Variants in SMYD3 observed in about 807,000 individuals in gnomAD.
SMYD3 encodes the protein SET and MYND domain containing 3, also known as histone-lysine N-methyltransferase SMYD3.
SMYD3 carries 36 observed loss-of-function variants against 57.7 expected under a neutral mutation model. The ratio of observed to expected loss-of-function variants is 0.62; its 90% confidence interval spans 0.48 to 0.82. The LOEUF (loss-of-function observed/expected upper bound fraction) is 0.82. Ranked by LOEUF, SMYD3 falls within the 40% of genes least tolerant of loss-of-function variation. The pLI is 0.00. For missense variants in SMYD3, 515 were observed against 538.8 expected (o/e 0.96, Z 0.44); for synonymous variants, 211 against 195.0 (o/e 1.08, Z -0.68).
chr1:246,470,665 C>T (rs1572528267), intron 1 of SMYD3, among the ~76,000 whole-genome samples: 1 of 150,010 alleles, frequency 6.7e-6, no homozygotes. Flanking sequence ...ATATACAGTG[C>T]ATATGTGTGT....
chr1:245,794,190 T>C (rs1357595915), intron 10 of SMYD3, among the ~76,000 whole-genome samples: 1 of 152,254 alleles, frequency 6.6e-6, no homozygotes, highest in Non-Finnish European at 1.5e-5. Flanking sequence ...ATTTCAGCAA[T>C]TTCTATACTC....
rs1558376127 is a variant in SMYD3 at position 246,284,023 on chromosome 1, A to G, written c.531+43178T>C. Among the ~76,000 whole-genome samples, 3 of 152,246 alleles carry G rather than the reference A, an allele frequency of 2.0e-5. No individual in the cohort carries two copies. The East Asian group carries it at 5.8e-4, about 29-fold the overall frequency. ...AAGGTAAATTACTCATGAAAGAAGA[A>G]CTACATGAATTTCTCAGAAACGAAG... On this transcript the variant is annotated intron_variant, in intron 5 of 11. Transcript: ENST00000490107.
At chr1:246,059,820 A>G (rs2060220196) in intron 5 of SMYD3, among the ~76,000 whole-genome samples, 1 of 152,188 alleles carries the variant, frequency 6.6e-6, no homozygotes, top group Non-Finnish European at 1.5e-5. Flanking sequence ...TAAGAGCCCA[A>G]TCACTCACAG....
At chr1:245,886,424 T>C (rs1367461776) in intron 8 of SMYD3, among the ~76,000 whole-genome samples, 1 of 151,954 alleles carries the variant, frequency 6.6e-6, no homozygotes, top group Admixed American at 6.6e-5. Context: ...CAATACAATA[T>C]CCTAATTACT....
chr1:245,986,471 T>C (rs892233442), intron 5 of SMYD3, among the ~76,000 whole-genome samples: 5 of 152,360 alleles, frequency 3.3e-5, no homozygotes, highest in African/African-American at 4.8e-5. Flanking sequence ...CCAAGTTTTA[T>C]AGATTACTCA....
chr1:246,287,621 T>C (rs2064596367), intron 5 of SMYD3, among the ~76,000 whole-genome samples: 1 of 152,208 alleles, frequency 6.6e-6, no homozygotes, highest in Non-Finnish European at 1.5e-5. Flanking sequence ...TTGGGAATAC[T>C]ATTCTTGAAG....
intron 1 of SMYD3, among the ~76,000 whole-genome samples, chr1:246,496,803 T>C (rs1223546909): frequency 6.6e-6 from 1 of 152,156 alleles, no homozygotes; most frequent in Non-Finnish European, 1.5e-5. Context: ...CCAGCCTGGG[T>C]GACAGAGTGA....
intron 5 of SMYD3, among the ~76,000 whole-genome samples, chr1:245,956,961 C>T (rs537267985): frequency 6.6e-6 from 1 of 152,286 alleles, no homozygotes; most frequent in African/African-American, 2.4e-5. Context: ...AAACTGATCA[C>T]CATCTCAACA....
At chr1:246,133,191 G>T (rs942382217) in intron 5 of SMYD3, among the ~76,000 whole-genome samples, 6 of 151,644 alleles carry the variant, frequency 4.0e-5, no homozygotes, top group African/African-American at 1.2e-4. Context: ...AATATATAAA[G>T]AACTCTCAAA....
At chr1:245,832,929 T>A (rs1224645541) in intron 10 of SMYD3, among the ~76,000 whole-genome samples, 1 of 152,074 alleles carries the variant, frequency 6.6e-6, no homozygotes, top group East Asian at 1.9e-4. Flanking sequence ...GGAGTGATAG[T>A]TCTTCATAAT....
chr1:246,378,814 A>T (rs1235725398), intron 1 of SMYD3, among the ~76,000 whole-genome samples: 2 of 115,718 alleles, frequency 1.7e-5, no homozygotes, highest in Admixed American at 1.2e-4. Context: ...TATTATATAT[A>T]ATATATTTAT....
chr1:246,083,793 G>T (rs2060682375), intron 5 of SMYD3, among the ~76,000 whole-genome samples: 1 of 151,992 alleles, frequency 6.6e-6, no homozygotes, highest in African/African-American at 2.4e-5. Flanking sequence ...CAAGTAAGGG[G>T]GATTCTGGTC....
At chr1:246,142,280 TATA>T (rs983121233) in intron 5 of SMYD3, among the ~76,000 whole-genome samples, 3 of 152,162 alleles carry the variant, frequency 2.0e-5, no homozygotes, top group Non-Finnish European at 2.9e-5. Flanking sequence ...ATAAAACAAT[TATA>T]ATAATATACT....
At chr1:246,324,982 GTC>G (rs1271877561) in intron 5 of SMYD3, among the ~76,000 whole-genome samples, 1 of 125,610 alleles carries the variant, frequency 8.0e-6, no homozygotes, top group African/African-American at 2.9e-5. Context: ...AGGAGAAGGA[GTC>G]AGGGGGCGGG....
At chr1:246,472,430 A>C (rs1217125504) in intron 1 of SMYD3, among the ~76,000 whole-genome samples, 1 of 152,204 alleles carries the variant, frequency 6.6e-6, no homozygotes, top group Non-Finnish European at 1.5e-5. Context: ...TAATCAAAGC[A>C]ATATATACCA....
chr1:246,014,882 T>A (rs892973380), intron 5 of SMYD3, among the ~76,000 whole-genome samples: 3 of 152,092 alleles, frequency 2.0e-5, no homozygotes, highest in African/African-American at 7.2e-5. Context: ...AGTTCCCTTA[T>A]CTGCCCAAAC....
chr1:246,452,307 A>G (rs1326149292), intron 1 of SMYD3, among the ~76,000 whole-genome samples: 1 of 152,132 alleles, frequency 6.6e-6, no homozygotes, highest in Non-Finnish European at 1.5e-5. Context: ...GGAGTTCGAG[A>G]CCAGCTTGGC....
At chr1:246,032,391 C>T (rs1183205021) in intron 5 of SMYD3, among the ~76,000 whole-genome samples, 1 of 152,168 alleles carries the variant, frequency 6.6e-6, no homozygotes, top group African/African-American at 2.4e-5. Context: ...ATATTTGCCG[C>T]TAACACACCA....
chr1:246,420,681 G>A lies in SMYD3; in HGVS notation c.165-65587C>T, dbSNP rs532997523. Among the ~76,000 whole-genome samples, 6 of 152,242 alleles carry A rather than the reference G, an allele frequency of 3.9e-5. No individual in the cohort carries two copies. The South Asian group carries it at 1.0e-3, about 26-fold the overall frequency. On this transcript the variant is annotated intron_variant, in intron 1 of 11. Coordinates refer to ENST00000490107, the MANE Select transcript of SMYD3 (RefSeq NM_001167740.2). ...CTGATCTTTGGCTTGTTCTAATATAGCAAATGCCCACTAATAAAAACCTTT... is the reference window on the plus strand; with the variant it reads ...CTGATCTTTGGCTTGTTCTAATATAACAAATGCCCACTAATAAAAACCTTT...
Sources: allele counts gnomAD v4.1 joint callset (sites outside exome capture counted in the v4.1 genomes callset), GRCh38; gene constraint gnomAD v4.1.1; transcripts MANE v1.5; gene names NCBI Gene and HGNC (gene_info 2026-07-23, HGNC 2026-07-21).